The following TESK2 variants were observed in gnomAD, a reference collection of about 807,000 sequenced individuals.
TESK2 encodes the protein testis associated actin remodelling kinase 2.
Under a neutral mutation model 57.1 loss-of-function variants are expected in TESK2, and 39 were observed. The observed-to-expected ratio is 0.68, with a 90% CI of 0.53 to 0.89. TESK2 has a LOEUF of 0.89. Among genes scored for constraint, TESK2 ranks in the 40% least tolerant of loss-of-function variants. The pLI, the probability that TESK2 is intolerant of heterozygous loss-of-function variation, is 0.00. For synonymous variants in TESK2, 249 were observed against 267.9 expected, an observed-to-expected ratio of 0.93 and a Z score of 0.69; for missense variants, 646 against 732.1, an observed-to-expected ratio of 0.88 and a Z score of 1.36.
At chr1:45,486,686 TA>T (rs1172899008) in intron 1 of TESK2, among the ~76,000 whole-genome samples, 28 of 121,594 alleles carry the variant, frequency 2.3e-4, no homozygotes, top group Non-Finnish European at 3.7e-4. Context: ...AAAAATTAAT[TA>T]AAAAAAAAAA....
At chr1:45,445,769 T>G (rs1651620613) in intron 2 of TESK2, among the ~76,000 whole-genome samples, 1 of 151,810 alleles carries the variant, frequency 6.6e-6, no homozygotes, top group Admixed American at 6.6e-5. Flanking sequence ...CACTGCAAAC[T>G]AGGTGACAGA....
chr1:45,441,201 C>T (rs986270658), intron 2 of TESK2, among the ~76,000 whole-genome samples: 4 of 152,148 alleles, frequency 2.6e-5, no homozygotes, highest in African/African-American at 9.7e-5. Flanking sequence ...GACAGAGTCT[C>T]GCTACATCGC....
chr1:45,395,719 G>A (rs957199656), intron 3 of TESK2, among the ~76,000 whole-genome samples: 2 of 146,876 alleles, frequency 1.4e-5, no homozygotes, highest in African/African-American at 5.1e-5. Flanking sequence ...CAATCTTTCT[G>A]CCTCACCCTC....
At position 45,452,361 on chromosome 1, in the gene TESK2, A is replaced by G. The variant is rs144047758; in HGVS notation, c.222+5203T>C. Among the ~76,000 whole-genome samples the G allele has an allele frequency of 2.2e-4, 34 of 152,292 alleles. No homozygotes were observed. The East Asian group carries it at 6.2e-3, about 28-fold the overall frequency. On this transcript the variant is annotated intron_variant, in intron 2 of 10. Coordinates refer to ENST00000372086, the MANE Select transcript of TESK2 (RefSeq NM_007170.3). ...TGAATAAGAAAGTATCTAGAAGCCAAATTAACATAATAATGACTTCAAAAA... is the reference window on the plus strand; with the variant it reads ...TGAATAAGAAAGTATCTAGAAGCCAGATTAACATAATAATGACTTCAAAAA...
At chr1:45,452,047 A>AAAAT (rs1651894714) in intron 2 of TESK2, among the ~76,000 whole-genome samples, 1 of 151,266 alleles carries the variant, frequency 6.6e-6, no homozygotes. Context: ...AAAAAAAAAA[A>AAAAT]TTTATTTGGT....
At chr1:45,372,624 G>A (rs948111769) in intron 4 of TESK2, among the ~76,000 whole-genome samples, 28 of 151,560 alleles carry the variant, frequency 1.8e-4, no homozygotes, top group African/African-American at 6.1e-4. Flanking sequence ...AGTAGCTACT[G>A]TCCCTATTAC....
At chr1:45,436,926 T>C (rs894183699) in intron 2 of TESK2, among the ~76,000 whole-genome samples, 2 of 151,820 alleles carry the variant, frequency 1.3e-5, no homozygotes, top group Non-Finnish European at 2.9e-5. Flanking sequence ...GCTTCCCAAG[T>C]ACTTGGAACT....
intron 2 of TESK2, among the ~76,000 whole-genome samples, chr1:45,441,927 GT>G (rs1245659515): frequency 6.6e-6 from 1 of 151,670 alleles, no homozygotes; most frequent in East Asian, 1.9e-4. Context: ...CAGCAAAATT[GT>G]TTTTGTTTTG....
At chr1:45,456,099 G>T (rs530559441) in intron 2 of TESK2, among the ~76,000 whole-genome samples, 4 of 151,872 alleles carry the variant, frequency 2.6e-5, no homozygotes, top group Non-Finnish European at 4.4e-5. Context: ...AGGCTGAGGT[G>T]GGGGGATCAT....
At chr1:45,432,594 G>A (rs1190061620) in intron 2 of TESK2, among the ~76,000 whole-genome samples, 2 of 150,460 alleles carry the variant, frequency 1.3e-5, no homozygotes, top group Non-Finnish European at 3.0e-5. Context: ...GGGAGGCTGA[G>A]GCAGGAGAAT....
At chr1:45,350,894 A>G (rs886103636) in intron 5 of TESK2, among the ~76,000 whole-genome samples, 7 of 152,228 alleles carry the variant, frequency 4.6e-5, no homozygotes, top group African/African-American at 1.7e-4. Flanking sequence ...GTCATTCTCT[A>G]CATCCCTCCA....
chr1:45,373,028 CAAAAAAAA>C lies in TESK2; in HGVS notation c.393+12876_393+12883del, dbSNP rs200182758. Among the ~76,000 whole-genome samples the C allele has an allele frequency of 3.7e-3, 226 of 61,052 alleles. 4 individuals carry two copies. The East Asian group carries it at 0.042, about 11-fold the overall frequency. 40.1% of individuals were successfully genotyped at this position (61,052 alleles called of 152,430 possible). On this transcript the variant is annotated intron_variant, in intron 4 of 10. Coordinates refer to ENST00000372086, the MANE Select transcript of TESK2 (RefSeq NM_007170.3). ...GGGCAACAAGAGCGAATCTCCGTCT[CAAAAAAAA>C]AAAAAAAAAAAGAAAAGAAAAAGGT...
chr1:45,398,635 C>T (rs1244426768), intron 3 of TESK2: 1 of 171,452 alleles, frequency 5.8e-6, no homozygotes, highest in Non-Finnish European at 1.3e-5. Flanking sequence ...TAATGTCTAC[C>T]TCTTCCATGA....
At chr1:45,453,054 G>T (rs1191085999) in intron 2 of TESK2, among the ~76,000 whole-genome samples, 1 of 150,478 alleles carries the variant, frequency 6.6e-6, no homozygotes, top group Non-Finnish European at 1.5e-5. Flanking sequence ...TCTAAGAAAA[G>T]AAAAAAAAGA....
Position 45,344,515 on chromosome 1 carries a change from A to AG in TESK2, c.*324_*325insC. The AG allele has an allele frequency of 7.0e-6, 2 of 283,828 alleles. No homozygotes were observed. Among genetic ancestry groups the AG allele is most frequent in the Admixed American group, 9.6e-5 (2 of 20,746 alleles). The allele number at this position is 283,828 out of a possible 1,614,324, so 17.6% of individuals were successfully genotyped here. A position where few individuals can be genotyped will look rare whatever the true frequency, so the allele number is the denominator to read the frequency against. On this transcript the variant is annotated 3_prime_UTR_variant, in exon 11 of 11. Transcript: ENST00000372086. ...CCTGGGGTGGGGAAAGAACCGGGGT[A>AG]ATAGCTGCCTGCCAGCTCAGCCTAG...
At chr1:45,490,254 A>T (rs1653660946) in intron 1 of TESK2, among the ~76,000 whole-genome samples, 1 of 152,234 alleles carries the variant, frequency 6.6e-6, no homozygotes, top group African/African-American at 2.4e-5. Flanking sequence ...AGACTTTTAA[A>T]TTACGCAAAC....
chr1:45,427,991 G>A (rs1650774206), intron 2 of TESK2, among the ~76,000 whole-genome samples: 1 of 151,998 alleles, frequency 6.6e-6, no homozygotes, highest in Non-Finnish European at 1.5e-5. Context: ...ACATTGTATG[G>A]CTGTATCAAA....
chr1:45,392,061 C>T (rs1425609089), intron 3 of TESK2, among the ~76,000 whole-genome samples: 1 of 152,154 alleles, frequency 6.6e-6, no homozygotes, highest in African/African-American at 2.4e-5. Context: ...ACTCCTTCCC[C>T]AGACTGGAAT....
chr1:45,392,588 A>C (rs1394889465), intron 3 of TESK2, among the ~76,000 whole-genome samples: 1 of 151,968 alleles, frequency 6.6e-6, no homozygotes, highest in South Asian at 2.1e-4. Context: ...GTAATCCCAG[A>C]TACTCGGGAG....
Sources: allele counts gnomAD v4.1 joint callset (sites outside exome capture counted in the v4.1 genomes callset), GRCh38; gene constraint gnomAD v4.1.1; transcripts MANE v1.5; gene names NCBI Gene and HGNC (gene_info 2026-07-23, HGNC 2026-07-21).